The following LRBA variants were observed in gnomAD, a reference collection of about 807,000 sequenced individuals.
The protein encoded by LRBA is LPS responsive beige-like anchor protein.
LRBA carries 176 observed loss-of-function variants against 330.0 expected under a neutral mutation model. The ratio of observed to expected loss-of-function variants is 0.53; its 90% CI spans 0.47 to 0.60. LRBA has a LOEUF of 0.60. Among genes scored for constraint, LRBA ranks in the 20% least tolerant of loss-of-function variants. LRBA has a pLI of 0.00. For synonymous variants in LRBA, 1,230 were observed against 1,193.0 expected (o/e 1.03, Z -0.64); for missense variants, 3,259 against 3,444.8 (o/e 0.95, Z 1.35).
chr4:150,273,934 G>C (rs1287552714), intron 56 of LRBA, among the ~76,000 whole-genome samples: 1 of 152,142 alleles, frequency 6.6e-6, no homozygotes, highest in Non-Finnish European at 1.5e-5. Context: ...TTCAGAACTT[G>C]AACTCAGCTC....
chr4:150,560,221 C>T (rs6834735), intron 40 of LRBA, among the ~76,000 whole-genome samples: 4,082 of 151,092 alleles, frequency 0.027, 175 homozygotes, highest in African/African-American at 0.094. Context: ...GGTGTATTTA[C>T]TAATAACATA....
At chr4:150,598,979 A>T (rs564007499) in intron 38 of LRBA, 28 bp downstream of exon 38, 1 of 1,612,724 alleles carries the variant, frequency 6.2e-7, no homozygotes, top group South Asian at 1.1e-5. Context: ...ACCTGCTGCT[A>T]TTGGCAAGGA....
At chr4:150,582,953 C>T (rs1771586511) in intron 40 of LRBA, 5 of 1,500,448 alleles carry the variant, frequency 3.3e-6, no homozygotes, top group Admixed American at 2.2e-5. Flanking sequence ...AGCCGCTGGG[C>T]CACCACCAGT....
At chr4:150,792,767 TG>T (rs1740155658) in intron 34 of LRBA, among the ~76,000 whole-genome samples, 1 of 152,054 alleles carries the variant, frequency 6.6e-6, no homozygotes, top group Non-Finnish European at 1.5e-5. Context: ...TGGGCTAAAT[TG>T]TTTTTTTTAA....
chr4:150,616,779 G>C (rs1027786439), intron 37 of LRBA, among the ~76,000 whole-genome samples: 7 of 152,040 alleles, frequency 4.6e-5, no homozygotes, highest in Non-Finnish European at 1.0e-4. Flanking sequence ...ACTGGATTTA[G>C]TACATTATAA....
At chr4:150,274,851 G>T (rs550666917) in intron 56 of LRBA, among the ~76,000 whole-genome samples, 1 of 152,128 alleles carries the variant, frequency 6.6e-6, no homozygotes, top group African/African-American at 2.4e-5. Flanking sequence ...TTCTACCAGA[G>T]GTACAAAAAG....
At chr4:150,989,381 G>A (rs1262837418) in intron 2 of LRBA, among the ~76,000 whole-genome samples, 1 of 152,060 alleles carries the variant, frequency 6.6e-6, no homozygotes, top group Admixed American at 6.6e-5. Context: ...TTGGGAGGCC[G>A]AGGCAGGCAG....
At chr4:150,352,056 T>C (rs1332211169) in intron 47 of LRBA, among the ~76,000 whole-genome samples, 1 of 152,218 alleles carries the variant, frequency 6.6e-6, no homozygotes, top group African/African-American at 2.4e-5. Context: ...AAACTGTGGA[T>C]AAGGAGGAGA....
intron 48 of LRBA, among the ~76,000 whole-genome samples, chr4:150,332,162 T>C (rs780668665): frequency 1.3e-5 from 2 of 152,186 alleles, no homozygotes; most frequent in Non-Finnish European, 2.9e-5. Context: ...TTAAGATGAA[T>C]AGTTATCTAG....
At chr4:150,353,136 T>C (rs1737391796) in intron 47 of LRBA, among the ~76,000 whole-genome samples, 1 of 152,124 alleles carries the variant, frequency 6.6e-6, no homozygotes, top group South Asian at 2.1e-4. Flanking sequence ...AAAGCTCTAC[T>C]ATAATAGATT....
intron 36 of LRBA, among the ~76,000 whole-genome samples, chr4:150,727,008 C>G (rs376156979): frequency 6.8e-6 from 1 of 147,572 alleles, no homozygotes; most frequent in Non-Finnish European, 1.5e-5. Context: ...AAAGAAACAG[C>G]AGACTTCATC....
At chr4:150,352,384 C>T (rs1737296044) in intron 47 of LRBA, among the ~76,000 whole-genome samples, 1 of 152,022 alleles carries the variant, frequency 6.6e-6, no homozygotes, top group African/African-American at 2.4e-5. Context: ...TTTAACATAG[C>T]TTTATGATAT....
At chr4:150,360,067 G>A (rs1403416336) in intron 47 of LRBA, among the ~76,000 whole-genome samples, 1 of 151,846 alleles carries the variant, frequency 6.6e-6, no homozygotes, top group African/African-American at 2.4e-5. Context: ...ATCACCCCAA[G>A]GATTTTATAC....
chr4:150,377,140 GA>G lies in LRBA; in HGVS notation c.7195-26982del, dbSNP rs532735624. Among the ~76,000 whole-genome samples, 695 of 120,742 alleles carry G rather than the reference GA, an allele frequency of 5.8e-3. 4 individuals carry two copies. Among genetic ancestry groups the G allele is most frequent in the Admixed American group, 0.016 (188 of 11,826 alleles). 79.2% of individuals were successfully genotyped at this position (120,742 alleles called of 152,430 possible). A position where few individuals can be genotyped will look rare whatever the true frequency, so the allele number is the denominator to read the frequency against. On this transcript the variant is annotated intron_variant, in intron 47 of 56. Coordinates refer to ENST00000651943, the MANE Select transcript of LRBA (RefSeq NM_001364905.1). Reference sequence around the variant, plus strand: ...AGATCCCATCTCCATAAAAATAATGGAAAAAAAAAAAAAAAAGAAGCTCTTA... The same window carrying G: ...AGATCCCATCTCCATAAAAATAATGGAAAAAAAAAAAAAAAGAAGCTCTTA...
Position 150,850,795 on chromosome 4 carries a change from C to T in LRBA, c.3933G>A (p.Trp1311Ter). 1 of 1,613,156 alleles carries T rather than the reference C, an allele frequency of 6.2e-7. No homozygotes were observed. ...TGAGCAAACGTTGATGCATCTGAGA[C>T]CAGTTGAACTCAGGAATACGAAACA... is the stretch of plus-strand genomic sequence containing the variant. ...STVFRIPEFN[W>*]SQMHQRLLTD... The change falls in exon 24 of 57, where the codon TGG becomes TGA. Residue 1311 changes from tryptophan (W) to a stop codon, truncating the protein, a stop_gained. Coordinates refer to ENST00000651943, the MANE Select transcript of LRBA (RefSeq NM_001364905.1). LOFTEE classifies it high-confidence loss of function.
chr4:150,971,674 G>C (rs1739595420), intron 2 of LRBA, among the ~76,000 whole-genome samples: 1 of 152,014 alleles, frequency 6.6e-6, no homozygotes, highest in South Asian at 2.1e-4. Flanking sequence ...CTAATCATAA[G>C]ATATATTTAA....
At chr4:150,816,329 GA>G in intron 31 of LRBA, among the ~76,000 whole-genome samples, 1 of 151,934 alleles carries the variant, frequency 6.6e-6, no homozygotes. Context: ...TTAACTTTAA[GA>G]AACAGCAAAA....
intron 36 of LRBA, among the ~76,000 whole-genome samples, chr4:150,714,607 G>A (rs1444639738): frequency 6.6e-6 from 1 of 152,060 alleles, no homozygotes; most frequent in African/African-American, 2.4e-5. Flanking sequence ...TAATACCAAT[G>A]TATTGTATTC....
chr4:150,483,116 C>G (rs866150951), intron 42 of LRBA, among the ~76,000 whole-genome samples: 41 of 152,138 alleles, frequency 2.7e-4, no homozygotes, highest in African/African-American at 8.9e-4. Context: ...ACTTTTAGCA[C>G]TTACGTTTGT....
Sources: gnomAD v4.1 joint callset for allele counts (sites outside exome capture counted in the v4.1 genomes callset) on GRCh38, gnomAD v4.1.1 for gene constraint, MANE v1.5 for transcripts, NCBI Gene and HGNC (gene_info 2026-07-23, HGNC 2026-07-21) for gene names.